MKLN1: variants seen among roughly 807,000 people sequenced by gnomAD.
MKLN1 encodes muskelin 1.
MKLN1 carries 18 observed loss-of-function variants against 99.0 expected under a neutral mutation model. That is an observed-to-expected ratio of 0.18 (90% CI 0.13 to 0.27). The LOEUF (loss-of-function observed/expected upper bound fraction) is 0.27. MKLN1 is among the 10% of genes least tolerant of loss of function. The probability of loss-of-function intolerance (pLI) is 1.00; values close to 1 mark genes in which losing one functional copy is unlikely to be tolerated. For synonymous variants in MKLN1, 288 were observed against 293.2 expected (o/e 0.98, Z 0.18); for missense variants, 621 against 875.9 (o/e 0.71, Z 3.67).
intron 6 of MKLN1, among the ~76,000 whole-genome samples, chr7:131,404,919 T>G (rs1048078843): frequency 2.6e-5 from 3 of 113,576 alleles, no homozygotes; most frequent in African/African-American, 1.1e-4. Context: ...TATTTTATAC[T>G]TGGTTAAAAC....
At chr7:131,166,200 C>G (rs1290815993) in intron 2 of MKLN1, among the ~76,000 whole-genome samples, 1 of 152,076 alleles carries the variant, frequency 6.6e-6, no homozygotes, top group East Asian at 1.9e-4. Context: ...ATTGACAGAG[C>G]TTGGCGACAA....
intron 2 of MKLN1, among the ~76,000 whole-genome samples, chr7:131,158,376 G>C (rs1428479853): frequency 6.6e-6 from 1 of 152,230 alleles, no homozygotes; most frequent in African/African-American, 2.4e-5. Context: ...AGATGTTGCA[G>C]TGAGCTGAGG....
In MKLN1 at chr7:131,490,094, G is replaced by A. The variant is rs181815913; in HGVS notation, c.*2366G>A. The stretch of plus-strand genomic sequence containing the variant: ...AAGATTGACATGTTGCTCACAACAT[G>A]TCACAATTTAGTGAGGAGCTACATG... On this transcript the variant is annotated 3_prime_UTR_variant, in exon 18 of 18. Coordinates refer to ENST00000352689, the MANE Select transcript of MKLN1 (RefSeq NM_013255.5). 5 of 152,662 alleles carry A rather than the reference G, an allele frequency of 3.3e-5. No individual in the cohort carries two copies. In the East Asian group the frequency reaches 9.7e-4, roughly 29 times the overall value. The allele number at this position is 152,662 out of a possible 1,614,324, so 9.5% of individuals were successfully genotyped here.
intron 3 of MKLN1, among the ~76,000 whole-genome samples, chr7:131,240,972 G>A (rs991201306): frequency 6.6e-6 from 1 of 152,182 alleles, no homozygotes; most frequent in Non-Finnish European, 1.5e-5. Context: ...GTCCTTCCAA[G>A]ATTTAGAACT....
intron 3 of MKLN1, among the ~76,000 whole-genome samples, chr7:131,270,266 A>G (rs1396137895): frequency 6.6e-6 from 1 of 151,998 alleles, no homozygotes; most frequent in Non-Finnish European, 1.5e-5. Flanking sequence ...TTTGTTGCCC[A>G]GGCTGGAGTG....
chr7:131,222,067 G>A (rs1299619631), intron 3 of MKLN1, among the ~76,000 whole-genome samples: 2 of 151,530 alleles, frequency 1.3e-5, no homozygotes, highest in South Asian at 2.1e-4. Context: ...CACCATGCCC[G>A]GCTAATTTTA....
At chr7:131,361,779 A>T (rs976477740) in intron 1 of MKLN1, among the ~76,000 whole-genome samples, 1 of 151,546 alleles carries the variant, frequency 6.6e-6, no homozygotes, top group South Asian at 2.1e-4. Context: ...AATTCCACTT[A>T]TTCTCCATTC....
At chr7:131,306,712 G>T (rs1013635754) in intron 3 of MKLN1, among the ~76,000 whole-genome samples, 5 of 152,206 alleles carry the variant, frequency 3.3e-5, no homozygotes, top group African/African-American at 1.2e-4. Flanking sequence ...ACAAAGAGAT[G>T]ATCTGAAATT....
At chr7:131,427,663 C>T (rs1342483220) in intron 8 of MKLN1, among the ~76,000 whole-genome samples, 3 of 152,132 alleles carry the variant, frequency 2.0e-5, no homozygotes, top group East Asian at 1.9e-4. Flanking sequence ...AAGTGATTCT[C>T]CTGCCTCAGC....
At chr7:131,140,557 C>T (rs763206410) in intron 1 of MKLN1, among the ~76,000 whole-genome samples, 1 of 152,158 alleles carries the variant, frequency 6.6e-6, no homozygotes, top group Non-Finnish European at 1.5e-5. Flanking sequence ...CCTCTTCTCA[C>T]TCGTGCTCTC....
chr7:131,465,902 T>C (rs1459134456), intron 14 of MKLN1, among the ~76,000 whole-genome samples: 1 of 152,220 alleles, frequency 6.6e-6, no homozygotes, highest in African/African-American at 2.4e-5. Context: ...TCAGCATTTA[T>C]GTCAGAATTT....
Position 131,472,345 on chromosome 7 carries a change from G to T in MKLN1, c.2031+1401G>T, listed in dbSNP as rs183310796. 49 of 152,220 alleles carry T rather than the reference G, an allele frequency of 3.2e-4. 1 individual carries two copies. The highest frequency in any genetic ancestry group is 2.9e-3 in the Admixed American group (45 of 15,298). 9.4% of individuals were successfully genotyped at this position (152,220 alleles called of 1,614,324 possible). A position where few individuals can be genotyped will look rare whatever the true frequency, so the allele number is the denominator to read the frequency against. Reference sequence around the variant, plus strand: ...TTTCAGCTGTGTGAGCTGCAAGTAGGCCAAAGAAAACAAGACAGTTTGTTC... The same window carrying T: ...TTTCAGCTGTGTGAGCTGCAAGTAGTCCAAAGAAAACAAGACAGTTTGTTC... On this transcript the variant is annotated intron_variant, in intron 16 of 17. Transcript: ENST00000352689.
chr7:131,328,082 C>A (rs1390744629), intron 1 of MKLN1, 85 bp downstream of exon 1: 2 of 1,508,516 alleles, frequency 1.3e-6, no homozygotes, highest in Admixed American at 2.0e-5. Context: ...GGCAGCCGAG[C>A]CGAGAGGCCC....
At chr7:131,217,767 G>C (rs1265304830) in intron 3 of MKLN1, among the ~76,000 whole-genome samples, 1 of 152,172 alleles carries the variant, frequency 6.6e-6, no homozygotes, top group Non-Finnish European at 1.5e-5. Flanking sequence ...AGAAATACTT[G>C]TACCCCTGTG....
intron 6 of MKLN1, among the ~76,000 whole-genome samples, chr7:131,403,888 GAA>G (rs1563331611): frequency 1.3e-5 from 2 of 152,150 alleles, no homozygotes; most frequent in Non-Finnish European, 2.9e-5. Context: ...AGACACAAGT[GAA>G]GAAATTCTGT....
At chr7:131,259,226 C>G (rs1386374790) in intron 3 of MKLN1, among the ~76,000 whole-genome samples, 1 of 152,134 alleles carries the variant, frequency 6.6e-6, no homozygotes, top group Non-Finnish European at 1.5e-5. Context: ...GAGTGCATCA[C>G]CTCTGGGAAA....
Position 131,270,049 on chromosome 7 carries a change from G to A in MKLN1, c.-179+67075G>A, listed in dbSNP as rs146125287. On this transcript the variant is annotated intron_variant, in intron 3 of 7. Coordinates refer to the MKLN1 transcript ENST00000416992. ...AGCAATTCTCCTGCCTCAGCCTCCCGAGTAGCTGGGACTACAGGCATTGCC... is the reference window on the plus strand; with the variant it reads ...AGCAATTCTCCTGCCTCAGCCTCCCAAGTAGCTGGGACTACAGGCATTGCC... Among the ~76,000 whole-genome samples, 755 of 141,682 alleles carry A rather than the reference G, an allele frequency of 5.3e-3. 6 individuals are homozygous for A. Among genetic ancestry groups the A allele is most frequent in the African/African-American group, 0.017 (631 of 37,896 alleles). The allele number at this position is 141,682 out of a possible 152,430, so 92.9% of individuals were successfully genotyped here.
chr7:131,273,128 C>G (rs1338434784), intron 3 of MKLN1, among the ~76,000 whole-genome samples: 2 of 152,226 alleles, frequency 1.3e-5, no homozygotes, highest in Non-Finnish European at 2.9e-5. Context: ...CCAGCTAGAA[C>G]TTGGCAGGGC....
At chr7:131,369,137 A>G (rs953523926) in intron 1 of MKLN1, among the ~76,000 whole-genome samples, 6 of 152,138 alleles carry the variant, frequency 3.9e-5, no homozygotes, top group African/African-American at 1.2e-4. Context: ...AAGTTCCATG[A>G]TGTATGTTCT....
Sources: allele counts gnomAD v4.1 joint callset (sites outside exome capture counted in the v4.1 genomes callset), GRCh38; gene constraint gnomAD v4.1.1; transcripts MANE v1.5; gene names NCBI Gene and HGNC (gene_info 2026-07-23, HGNC 2026-07-21).